Variants in SEMA3A observed in about 807,000 individuals in gnomAD.
SEMA3A encodes the protein semaphorin 3A.
In SEMA3A, 29 loss-of-function variants were observed where a neutral mutation model predicts 97.9. The ratio of observed to expected loss-of-function variants is 0.30; its 90% CI spans 0.22 to 0.40. SEMA3A has a LOEUF of 0.40. Ranked by LOEUF, SEMA3A falls within the 10% of genes least tolerant of loss-of-function variation. The pLI is 1.00. For missense variants in SEMA3A, 763 were observed against 951.3 expected, an observed-to-expected ratio of 0.80 and a Z score of 2.60; for synonymous variants, 321 against 323.7, an observed-to-expected ratio of 0.99 and a Z score of 0.09.
At chr7:83,979,232 C>T (rs1037804447) in intron 14 of SEMA3A, among the ~76,000 whole-genome samples, 1 of 150,904 alleles carries the variant, frequency 6.6e-6, no homozygotes, top group Non-Finnish European at 1.5e-5. Context: ...CTCCTGGGTT[C>T]AAGCAATTCT....
chr7:84,227,943 C>A (rs1799028439), intron 3 of SEMA3A, among the ~76,000 whole-genome samples: 1 of 150,602 alleles, frequency 6.6e-6, no homozygotes, highest in African/African-American at 2.4e-5. Context: ...GGGGCGGGGG[C>A]AGGTAGTAGT....
chr7:84,290,822 T>C (rs1800723181), intron 3 of SEMA3A, among the ~76,000 whole-genome samples: 1 of 152,138 alleles, frequency 6.6e-6, no homozygotes, highest in Non-Finnish European at 1.5e-5. Flanking sequence ...TGTACCCTCT[T>C]GAAAAGATTT....
At chr7:83,991,737 G>A (rs1789949824) in intron 12 of SEMA3A, among the ~76,000 whole-genome samples, 1 of 148,428 alleles carries the variant, frequency 6.7e-6, no homozygotes, top group Non-Finnish European at 1.5e-5. Flanking sequence ...TTTTATTGAG[G>A]ATTTTTGCAT....
intron 1 of SEMA3A, among the ~76,000 whole-genome samples, chr7:84,374,831 G>A (rs1223166338): frequency 6.6e-6 from 1 of 151,998 alleles, no homozygotes; most frequent in African/African-American, 2.4e-5. Context: ...CAGTATATAG[G>A]GAATCAGAGG....
chr7:84,081,221 T>C (rs1238834741), intron 4 of SEMA3A, among the ~76,000 whole-genome samples: 1 of 152,014 alleles, frequency 6.6e-6, no homozygotes, highest in Non-Finnish European at 1.5e-5. Context: ...GGGGGCATGA[T>C]AGGCAAGAAA....
upstream of SEMA3A, among the ~76,000 whole-genome samples, chr7:84,198,284 C>T (rs1357087552): frequency 6.6e-6 from 1 of 152,040 alleles, no homozygotes; most frequent in African/African-American, 2.4e-5. Context: ...CAACCTCCAC[C>T]TCCTGGTTTC....
At chr7:84,333,948 C>A (rs1000870677) in intron 2 of SEMA3A, among the ~76,000 whole-genome samples, 1 of 152,062 alleles carries the variant, frequency 6.6e-6, no homozygotes, top group East Asian at 1.9e-4. Flanking sequence ...TGTGCTATAT[C>A]CTATATTTAA....
chr7:84,390,381 C>A (rs1490693719), intron 1 of SEMA3A, among the ~76,000 whole-genome samples: 2 of 145,428 alleles, frequency 1.4e-5, no homozygotes, highest in Non-Finnish European at 3.0e-5. Flanking sequence ...AGCTGGGAAC[C>A]ATTGCTGGGT....
At chr7:84,045,931 A>G (rs978814426) in intron 6 of SEMA3A, among the ~76,000 whole-genome samples, 1 of 151,312 alleles carries the variant, frequency 6.6e-6, no homozygotes, top group Non-Finnish European at 1.5e-5. Context: ...TCACTAGTAT[A>G]TAAGATGACG....
Position 84,269,059 on chromosome 7 carries a change from T to C in SEMA3A, c.-83+38148A>G, listed in dbSNP as rs1183917997. On this transcript the variant is annotated intron_variant, in intron 3 of 3. Coordinates refer to the SEMA3A transcript ENST00000424555. ...CTTCATTCTTTCTTCTTTTTAATCA[T>C]TCTCTCTCAGAAATTATTTCTCCTT... is the stretch of plus-strand genomic sequence containing the variant. 2.0e-5 allele frequency among the ~76,000 whole-genome samples: 3 copies of C among 152,136 alleles called. No individual in the cohort carries two copies. The East Asian group carries it at 5.8e-4, about 29-fold the overall frequency.
chr7:84,465,300 C>A (rs1171437844), intron 1 of SEMA3A, among the ~76,000 whole-genome samples: 1 of 152,122 alleles, frequency 6.6e-6, no homozygotes, highest in Non-Finnish European at 1.5e-5. Flanking sequence ...GATCCTCATT[C>A]ATACCCCAAT....
chr7:84,481,078 G>A (rs752003581), intron 1 of SEMA3A, among the ~76,000 whole-genome samples: 4 of 152,112 alleles, frequency 2.6e-5, no homozygotes, highest in Non-Finnish European at 5.9e-5. Context: ...TGAGGAGAGA[G>A]TGTCAAAGAT....
chr7:84,080,461 A>T (rs1029282371), intron 4 of SEMA3A, among the ~76,000 whole-genome samples: 1 of 151,990 alleles, frequency 6.6e-6, no homozygotes, highest in African/African-American at 2.4e-5. Flanking sequence ...TTATATTTTC[A>T]TTTGGAGAAA....
chr7:83,994,727 G>T (rs1277168251), intron 12 of SEMA3A, among the ~76,000 whole-genome samples: 2 of 150,844 alleles, frequency 1.3e-5, no homozygotes, highest in Non-Finnish European at 2.9e-5. Context: ...AAAGCTGTCA[G>T]ACAGGGCCAT....
At chr7:84,323,542 A>G (rs1298441939) in intron 2 of SEMA3A, among the ~76,000 whole-genome samples, 1 of 152,150 alleles carries the variant, frequency 6.6e-6, no homozygotes, top group Non-Finnish European at 1.5e-5. Context: ...CTTGCAATGT[A>G]CAAAGAGTGA....
chr7:84,406,514 A>G (rs1804093754), intron 1 of SEMA3A, among the ~76,000 whole-genome samples: 1 of 152,238 alleles, frequency 6.6e-6, no homozygotes, highest in Admixed American at 6.5e-5. Flanking sequence ...ATTCCAATCA[A>G]CAGAAAAAGA....
In SEMA3A at chr7:84,481,752, C is replaced by T. The variant is rs142497741; in HGVS notation, c.-246+10708G>A. The stretch of plus-strand genomic sequence containing the variant: ...ATAAAATGTTACCTTTAATAGAAGA[C>T]GCAAATTATTATCTATTTAAAGTGG... On this transcript the variant is annotated intron_variant, in intron 1 of 3. Coordinates refer to the SEMA3A transcript ENST00000424555. Among the ~76,000 whole-genome samples the T allele has an allele frequency of 7.9e-5, 12 of 151,850 alleles. No homozygotes were observed. In the East Asian group the frequency reaches 9.7e-4, roughly 12 times the overall value.
At chr7:84,422,072 A>G (rs1233908105) in intron 1 of SEMA3A, among the ~76,000 whole-genome samples, 1 of 152,030 alleles carries the variant, frequency 6.6e-6, no homozygotes, top group Non-Finnish European at 1.5e-5. Flanking sequence ...TATTGATTGT[A>G]ATACTTTCAC....
chr7:84,454,863 G>A (rs1805650225), intron 1 of SEMA3A, among the ~76,000 whole-genome samples: 1 of 151,898 alleles, frequency 6.6e-6, no homozygotes, highest in Admixed American at 6.6e-5. Context: ...GTAAGAGACT[G>A]AATAAGCCTA....
Sources: allele counts gnomAD v4.1 joint callset (sites outside exome capture counted in the v4.1 genomes callset), GRCh38; gene constraint gnomAD v4.1.1; transcripts MANE v1.5; gene names NCBI Gene and HGNC (gene_info 2026-07-23, HGNC 2026-07-21).